Variants in SPAG17 observed in about 807,000 individuals in gnomAD.
The protein encoded by SPAG17 is sperm associated antigen 17.
In SPAG17, 169 loss-of-function variants were observed where a neutral mutation model predicts 273.6. The observed-to-expected ratio is 0.62, with a 90% CI of 0.55 to 0.70. The LOEUF (loss-of-function observed/expected upper bound fraction) is 0.70, where lower values mean the gene tolerates loss of function less well. Ranked by LOEUF, SPAG17 falls within the 30% of genes least tolerant of loss-of-function variation. The pLI is 0.00. For synonymous variants in SPAG17, 825 were observed against 873.2 expected (o/e 0.94, Z 0.97); for missense variants, 2,557 against 2,627.8 (o/e 0.97, Z 0.59).
At chr1:118,011,524 A>G (rs774595345) in intron 30 of SPAG17, among the ~76,000 whole-genome samples, 2 of 152,142 alleles carry the variant, frequency 1.3e-5, no homozygotes, top group Non-Finnish European at 2.9e-5. Flanking sequence ...CAAATGATGA[A>G]AACACATGGA....
chr1:118,106,410 A>G (rs1656400685), intron 4 of SPAG17, among the ~76,000 whole-genome samples: 1 of 152,206 alleles, frequency 6.6e-6, no homozygotes, highest in Non-Finnish European at 1.5e-5. Flanking sequence ...TGGCAAAGCC[A>G]GGCCAGTCAC....
intron 48 of SPAG17, chr1:117,961,074 G>T (rs1653019904): frequency 6.6e-6 from 1 of 152,184 alleles, no homozygotes; most frequent in African/African-American, 2.4e-5. Flanking sequence ...ACAAGGTCAG[G>T]AGTTCCAGAC....
intron 46 of SPAG17, among the ~76,000 whole-genome samples, chr1:117,967,832 AAGC>A (rs1235011690): frequency 6.6e-6 from 1 of 152,352 alleles, no homozygotes; most frequent in African/African-American, 2.4e-5. Flanking sequence ...GTGGGTTAAA[AAGC>A]AGACTTGGGA....
At chr1:118,091,063 A>G (rs1655340733) in intron 10 of SPAG17, among the ~76,000 whole-genome samples, 4 of 152,176 alleles carry the variant, frequency 2.6e-5, no homozygotes, top group African/African-American at 9.6e-5. Flanking sequence ...GCACAAATAA[A>G]TAACATCAGT....
intron 38 of SPAG17, 57 bp from the exon 39 acceptor site, chr1:117,988,261 A>G (rs1252887818): frequency 1.6e-6 from 2 of 1,252,844 alleles, no homozygotes; most frequent in Non-Finnish European, 2.2e-6. Context: ...GCAACACACA[A>G]TCAGTACACA....
intron 1 of SPAG17, among the ~76,000 whole-genome samples, chr1:118,170,629 T>C (rs1244920655): frequency 3.3e-5 from 5 of 152,204 alleles, no homozygotes; most frequent in African/African-American, 1.2e-4. Context: ...CAGCAAGCTT[T>C]TGACGTGGAT....
At chr1:118,020,777 G>A (rs935596964) in intron 28 of SPAG17, among the ~76,000 whole-genome samples, 10 of 152,154 alleles carry the variant, frequency 6.6e-5, no homozygotes, top group Non-Finnish European at 1.0e-4. Context: ...AAGGCCTGCT[G>A]TCTGTTTTTT....
chr1:117,974,415 G>T (rs1654912330), intron 43 of SPAG17, among the ~76,000 whole-genome samples: 1 of 151,810 alleles, frequency 6.6e-6, no homozygotes. Flanking sequence ...GAAGTCAAGT[G>T]GCCTGTCTAG....
intron 3 of SPAG17, among the ~76,000 whole-genome samples, chr1:118,140,692 C>G (rs1658633237): frequency 1.3e-5 from 2 of 152,134 alleles, no homozygotes; most frequent in South Asian, 4.1e-4. Context: ...CTGGATACCC[C>G]CAGTGGCCTC....
At chr1:118,027,178 G>A (rs1647847566) in intron 26 of SPAG17, among the ~76,000 whole-genome samples, 1 of 152,148 alleles carries the variant, frequency 6.6e-6, no homozygotes, top group African/African-American at 2.4e-5. Flanking sequence ...TGTCTGAGTG[G>A]AAGACACCCA....
intron 18 of SPAG17, among the ~76,000 whole-genome samples, chr1:118,065,785 GT>G (rs898738878): frequency 6.6e-6 from 1 of 151,692 alleles, no homozygotes; most frequent in African/African-American, 2.4e-5. Context: ...ACTAGAAATA[GT>G]TTTTTTAACT....
Position 117,972,657 on chromosome 1 carries a change from G to A in SPAG17, c.6142-610C>T, listed in dbSNP as rs547857306. On this transcript the variant is annotated intron_variant, in intron 44 of 48. Coordinates refer to ENST00000336338, the MANE Select transcript of SPAG17 (RefSeq NM_206996.4). ...AGAATCTGTATTTTAACAAGATCCC[G>A]AGGTAATTCATATGCACATTAAAAT... Among the ~76,000 whole-genome samples the A allele has an allele frequency of 3.3e-5, 5 of 152,182 alleles. No homozygotes were observed. The South Asian group carries it at 6.2e-4, about 19-fold the overall frequency.
At position 118,081,155 on chromosome 1, in the gene SPAG17, G is replaced by C. The variant is rs1219826104; in HGVS notation, c.2155C>G (p.Gln719Glu). 1 of 1,613,876 alleles carries C rather than the reference G, an allele frequency of 6.2e-7. No homozygotes were observed. The highest frequency in any genetic ancestry group is 8.5e-7 in the Non-Finnish European group (1 of 1,179,970). The change falls in exon 15 of 49, where the codon CAG becomes GAG. Residue 719 changes from glutamine to glutamate, a missense_variant. Coordinates refer to ENST00000336338, the MANE Select transcript of SPAG17 (RefSeq NM_206996.4). The stretch of plus-strand genomic sequence containing the variant: ...ATGATGCTCTCCTGCTCTAACAGCT[G>C]TCTATTATCAGGGACTGAGAGTTTG... ...NLKLSVPDNRQLLEQESIMKA... is the reference protein window; with the variant it reads ...NLKLSVPDNRELLEQESIMKA...
At chr1:118,042,182 G>T in intron 20 of SPAG17, 140 bp from the exon 21 acceptor site, 1 of 999,590 alleles carries the variant, frequency 1.0e-6, no homozygotes, top group Non-Finnish European at 1.5e-6. Flanking sequence ...TAGAAGCCTT[G>T]ACGTCATCCT....
chr1:118,171,364 C>G (rs1660409352), intron 1 of SPAG17, among the ~76,000 whole-genome samples: 1 of 152,106 alleles, frequency 6.6e-6, no homozygotes, highest in African/African-American at 2.4e-5. Flanking sequence ...TTTCAAGTAT[C>G]AGAAGGGCCA....
intron 29 of SPAG17, among the ~76,000 whole-genome samples, chr1:118,015,485 T>C (rs1659868095): frequency 6.6e-6 from 1 of 152,080 alleles, no homozygotes; most frequent in Non-Finnish European, 1.5e-5. Context: ...ATACCATAAG[T>C]TTTTCCAAAT....
intron 27 of SPAG17, 144 bp downstream of exon 27, chr1:118,025,094 T>C: frequency 4.6e-6 from 3 of 653,960 alleles, no homozygotes; most frequent in South Asian, 4.2e-5. Flanking sequence ...ATTCTAACTA[T>C]ATTATTTATC....
At chr1:118,145,946 A>T (rs1658963514) in intron 3 of SPAG17, among the ~76,000 whole-genome samples, 1 of 151,910 alleles carries the variant, frequency 6.6e-6, no homozygotes, top group East Asian at 1.9e-4. Context: ...TTTTATAAAT[A>T]AGTCACAGGC....
chr1:118,086,468 A>G (rs1223163286), intron 12 of SPAG17, among the ~76,000 whole-genome samples: 1 of 152,194 alleles, frequency 6.6e-6, no homozygotes, highest in Non-Finnish European at 1.5e-5. Flanking sequence ...GACCTCAATA[A>G]TCAGGCAAAT....
Sources: allele counts gnomAD v4.1 joint callset (sites outside exome capture counted in the v4.1 genomes callset), GRCh38; gene constraint gnomAD v4.1.1; transcripts MANE v1.5; gene names NCBI Gene and HGNC (gene_info 2026-07-23, HGNC 2026-07-21).